The following PIAS4 variants were observed in gnomAD, a reference collection of about 807,000 sequenced individuals.
PIAS4 encodes E3 SUMO-protein ligase PIAS4.
A neutral mutation model predicts 58.0 loss-of-function variants in PIAS4; 7 were observed. The ratio of observed to expected loss-of-function variants is 0.12; its 90% CI spans 0.07 to 0.23. PIAS4 has a LOEUF of 0.23. Among genes scored for constraint, PIAS4 ranks in the 10% least tolerant of loss-of-function variants. The pLI, the probability that PIAS4 is intolerant of heterozygous loss-of-function variation, is 1.00. For missense variants in PIAS4, 550 were observed against 709.5 expected, an observed-to-expected ratio of 0.78 and a Z score of 2.55; for synonymous variants, 364 against 312.4, an observed-to-expected ratio of 1.17 and a Z score of -1.74.
chr19:4,028,661 G>C, intron 5 of PIAS4, 59 bp from the exon 6 acceptor site: 1 of 1,604,542 alleles, frequency 6.2e-7, no homozygotes, highest in Non-Finnish European at 8.5e-7. Context: ...GGGAGGGTGG[G>C]GGCCGTCGGA....
chr19:4,038,075 AAAG>A lies in PIAS4; in HGVS notation c.*202_*204del, dbSNP rs150006636. The A allele has an allele frequency of 3.8e-3, 2,128 of 564,434 alleles. 40 individuals carry two copies. The African/African-American group carries it at 0.039, about 10-fold the overall frequency. 35.0% of individuals were successfully genotyped at this position (564,434 alleles called of 1,614,324 possible). A position where few individuals can be genotyped will look rare whatever the true frequency, so the allele number is the denominator to read the frequency against. ...TAAAAAAAAAAGTAAAATGACAAAAAAAGATACAAAAAAGAAAAATGAAACAAA... is the reference window on the plus strand; with the variant it reads ...TAAAAAAAAAAGTAAAATGACAAAAAATACAAAAAAGAAAAATGAAACAAA... On this transcript the variant is annotated 3_prime_UTR_variant, in exon 11 of 11. Coordinates refer to ENST00000262971, the MANE Select transcript of PIAS4 (RefSeq NM_015897.4). This position sits in a 1 kb window ranked among gnomAD's most constrained non-coding sequence, Gnocchi z 4.1.
At chr19:4,035,746 A>G (rs1334871219) in intron 9 of PIAS4, among the ~76,000 whole-genome samples, 1 of 146,424 alleles carries the variant, frequency 6.8e-6, no homozygotes, top group East Asian at 2.0e-4. Flanking sequence ...CATACAGTCC[A>G]CACCATCACA....
chr19:4,009,195 C>T (rs1020356330), intron 1 of PIAS4, among the ~76,000 whole-genome samples: 7 of 152,094 alleles, frequency 4.6e-5, no homozygotes, highest in African/African-American at 1.4e-4. Context: ...TACGTATCTT[C>T]TTCTCGGTCC....
intron 2 of PIAS4, among the ~76,000 whole-genome samples, chr19:4,019,688 C>T (rs111396835): frequency 3.7e-4 from 57 of 152,304 alleles, no homozygotes; most frequent in African/African-American, 1.2e-3. Context: ...CCCAATTAGG[C>T]GGCCTTCCTC....
chr19:4,023,598 G>A (rs549539431), intron 2 of PIAS4, among the ~76,000 whole-genome samples: 5 of 152,290 alleles, frequency 3.3e-5, no homozygotes, highest in East Asian at 3.9e-4. Context: ...AGTACCCCCC[G>A]CACCACCTCT....
chr19:4,029,557 C>CT (rs565612853), intron 7 of PIAS4, among the ~76,000 whole-genome samples: 104 of 147,796 alleles, frequency 7.0e-4, no homozygotes, highest in Non-Finnish European at 9.2e-4. Flanking sequence ...TTTTCTTTTT[C>CT]TTTTTTTTTT....
chr19:4,028,396 A>C, intron 4 of PIAS4, 114 bp from the exon 5 acceptor site: 1 of 852,470 alleles, frequency 1.2e-6, no homozygotes, highest in Admixed American at 2.1e-5. Context: ...CCCCCGTGTC[A>C]CATTCTCCGG....
At chr19:4,016,850 G>A (rs1207688552) in intron 2 of PIAS4, among the ~76,000 whole-genome samples, 1 of 152,186 alleles carries the variant, frequency 6.6e-6, no homozygotes, top group Non-Finnish European at 1.5e-5. Context: ...CAGTAGCCTG[G>A]GCGCGGGCGG....
chr19:4,033,285 C>G, intron 8 of PIAS4, 112 bp downstream of exon 8: 2 of 1,344,962 alleles, frequency 1.5e-6, no homozygotes, highest in South Asian at 2.5e-5. Context: ...GGGGGCGAGG[C>G]TGGTCTTCGT....
chr19:4,007,743 G>A lies in PIAS4; in HGVS notation c.-18G>A. The A allele has an allele frequency of 8.2e-7, 1 of 1,215,524 alleles. No individual in the cohort carries two copies. The highest frequency in any genetic ancestry group is 1.0e-6 in the Non-Finnish European group (1 of 970,756). 75.3% of individuals were successfully genotyped at this position (1,215,524 alleles called of 1,614,324 possible). A position where few individuals can be genotyped will look rare whatever the true frequency, so the allele number is the denominator to read the frequency against. On this transcript the variant is annotated 5_prime_UTR_variant, in exon 1 of 11. Transcript: ENST00000262971. Reference sequence around the variant, plus strand: ...CGACGGCTGGGGGCTCCCGGCGCGGGGGACGCTGGTGACCAAGATGGCGGC... The same window carrying A: ...CGACGGCTGGGGGCTCCCGGCGCGGAGGACGCTGGTGACCAAGATGGCGGC...
In PIAS4 at chr19:4,013,376, G is replaced by A. The variant is rs751711569; in HGVS notation, c.454+27G>A. The A allele has an allele frequency of 7.6e-6, 12 of 1,586,180 alleles. No individual in the cohort carries two copies. Among genetic ancestry groups the A allele is most frequent in the Non-Finnish European group, 9.5e-6 (11 of 1,161,186 alleles). ...TGAGTGGTCACCCTGGGGAGGCTGC[G>A]ACTGGAGGCTTCACCTAGGCCCCGT... On this transcript the variant is annotated intron_variant, in intron 2 of 10. Coordinates refer to ENST00000262971, the MANE Select transcript of PIAS4 (RefSeq NM_015897.4). This position sits in a 1 kb window ranked among gnomAD's most constrained non-coding sequence, Gnocchi z 5.1.
At position 4,037,734 on chromosome 19, in the gene PIAS4, T is replaced by C. The variant is rs1189675875; in HGVS notation, c.1392T>C (p.Asp464=). 6.2e-7 allele frequency: 1 copy of C among 1,611,164 alleles called. No homozygotes were observed. Among genetic ancestry groups the C allele is most frequent in the East Asian group, 2.2e-5 (1 of 44,800 alleles). The change falls in exon 11 of 11, where the codon GAT becomes GAC. Residue 464 remains aspartate (D), a synonymous_variant. Coordinates refer to ENST00000262971, the MANE Select transcript of PIAS4 (RefSeq NM_015897.4). This position sits in a 1 kb window ranked among gnomAD's most constrained non-coding sequence, Gnocchi z 5.8. ...TGGAGAATGGGAAGCCGGGCGCCGATGTGGTGGACCTCACGCTGGACAGCT... is the reference window on the plus strand; with the variant it reads ...TGGAGAATGGGAAGCCGGGCGCCGACGTGGTGGACCTCACGCTGGACAGCT... ...GSMENGKPGA[D]VVDLTLDSSS... is the part of the protein sequence containing the mutation.
intron 2 of PIAS4, among the ~76,000 whole-genome samples, chr19:4,016,143 GGCGCCACCCCTTTCCAGCCT>G (rs908084346): frequency 6.6e-6 from 1 of 152,220 alleles, no homozygotes; most frequent in African/African-American, 2.4e-5. Context: ...CAAGGAAGCC[GGCGCCACCCCTTTCCAGCCT>G]GCGCCACCTG....
intron 2 of PIAS4, among the ~76,000 whole-genome samples, chr19:4,017,316 CCAGCT>C (rs2040062048): frequency 6.6e-6 from 1 of 152,186 alleles, no homozygotes; most frequent in Non-Finnish European, 1.5e-5. Context: ...CCTGCCCAGC[CCAGCT>C]CCCCAACCTG....
chr19:4,035,497 A>G (rs1317683780), intron 9 of PIAS4, among the ~76,000 whole-genome samples: 1 of 152,062 alleles, frequency 6.6e-6, no homozygotes, highest in Non-Finnish European at 1.5e-5. Context: ...GCATTTGTAA[A>G]ATGGGGCTGG....
At chr19:4,031,548 C>T (rs1012632126) in intron 7 of PIAS4, among the ~76,000 whole-genome samples, 5 of 152,224 alleles carry the variant, frequency 3.3e-5, no homozygotes, top group East Asian at 1.9e-4. Context: ...CGCCCCCGAC[C>T]TTCCCTGCCT....
In PIAS4 at chr19:4,028,142, A is replaced by C. The variant is rs777223960; in HGVS notation, c.540-4A>C. 1.9e-6 allele frequency: 3 copies of C among 1,613,394 alleles called. No individual in the cohort carries two copies. The highest frequency in any genetic ancestry group is 2.7e-5 in the African/African-American group (2 of 74,794). On this transcript the variant is annotated splice_region_variant and splice_polypyrimidine_tract_variant and intron_variant, in intron 3 of 10. Transcript: ENST00000262971. ...CTTTCCTCTGGTTTGCTCCACACCC[A>C]CAGGGAACTGCAGCCCGGAGTTAAA...
At chr19:4,035,341 C>G (rs1170048981) in intron 9 of PIAS4, among the ~76,000 whole-genome samples, 1 of 152,096 alleles carries the variant, frequency 6.6e-6, no homozygotes, top group Non-Finnish European at 1.5e-5. Flanking sequence ...TCCTCAGACG[C>G]CCCCCAGCCA....
At chr19:4,035,716 C>G (rs1217132161) in intron 9 of PIAS4, among the ~76,000 whole-genome samples, 5 of 140,896 alleles carry the variant, frequency 3.5e-5, no homozygotes, top group African/African-American at 1.3e-4. Flanking sequence ...TGCACACCCA[C>G]ACCCGCATGC....
Sources: gnomAD v4.1 joint callset for allele counts (sites outside exome capture counted in the v4.1 genomes callset) on GRCh38, gnomAD v4.1.1 for gene constraint, Gnocchi (gnomAD v3.1) non-coding constraint, MANE v1.5 for transcripts, NCBI Gene and HGNC (gene_info 2026-07-23, HGNC 2026-07-21) for gene names.